IRAG1: variants seen among roughly 807,000 people sequenced by gnomAD.
The protein encoded by IRAG1 is IP3R-associated cGMP kinase substrate.
In IRAG1, 62 loss-of-function variants were observed where a neutral mutation model predicts 106.2. The ratio of observed to expected loss-of-function variants is 0.58; its 90% CI spans 0.48 to 0.72. The LOEUF (loss-of-function observed/expected upper bound fraction) is 0.72. Ranked by LOEUF, IRAG1 falls within the 30% of genes least tolerant of loss-of-function variation. The pLI, the probability that IRAG1 is intolerant of heterozygous loss-of-function variation, is 0.00. For synonymous variants in IRAG1, 462 were observed against 443.9 expected, an observed-to-expected ratio of 1.04 and a Z score of -0.51; for missense variants, 1,064 against 1,140.7, an observed-to-expected ratio of 0.93 and a Z score of 0.97.
At chr11:10,580,245 A>T (rs1284313999) in intron 20 of IRAG1, among the ~76,000 whole-genome samples, 1 of 151,670 alleles carries the variant, frequency 6.6e-6, no homozygotes, top group East Asian at 1.9e-4. Context: ...AGCTCTTGCA[A>T]ACTTCTCATT....
chr11:10,623,148 T>C (rs1591626639), intron 10 of IRAG1, among the ~76,000 whole-genome samples: 1 of 152,262 alleles, frequency 6.6e-6, no homozygotes, highest in East Asian at 1.9e-4. Context: ...GACATACTCA[T>C]GCAGGAGAAT....
chr11:10,663,778 C>A (rs556322952), intron 1 of IRAG1, among the ~76,000 whole-genome samples: 1 of 152,212 alleles, frequency 6.6e-6, no homozygotes. Context: ...TCAAGCCTCA[C>A]TTTTCACATG....
In IRAG1 at chr11:10,663,790, C is replaced by G. The variant is rs722273; in HGVS notation, c.68-11608G>C. On this transcript the variant is annotated intron_variant, in intron 1 of 20. Coordinates refer to ENST00000423302, the MANE Select transcript of IRAG1 (RefSeq NM_130385.4). Reference sequence around the variant, plus strand: ...GAATCAAGCCTCACTTTTCACATGGCCTACTACACACCCAGCACAATGTAG... The same window carrying G: ...GAATCAAGCCTCACTTTTCACATGGGCTACTACACACCCAGCACAATGTAG... Among the ~76,000 whole-genome samples the G allele has an allele frequency of 8.0e-4, 122 of 152,330 alleles. 1 individual carries two copies. The highest frequency in any genetic ancestry group is 2.7e-3 in the African/African-American group (114 of 41,574).
chr11:10,581,771 T>C, intron 19 of IRAG1, 96 bp downstream of exon 19: 1 of 1,463,714 alleles, frequency 6.8e-7, no homozygotes, highest in Non-Finnish European at 9.1e-7. Flanking sequence ...GGCCACTGGT[T>C]ACTTCCCTAA....
chr11:10,681,328 C>T (rs1339895147), intron 1 of IRAG1, among the ~76,000 whole-genome samples: 1 of 152,120 alleles, frequency 6.6e-6, no homozygotes, highest in Non-Finnish European at 1.5e-5. Context: ...GAGTCAAGTG[C>T]CTTGTTAATA....
rs764883368 is a variant in IRAG1, at chr11:10,581,885, T to C, written c.2342A>G (p.Glu781Gly). The change falls in exon 19 of 21, where the codon GAA (glutamate) becomes GGA (glycine). Residue 781 changes from glutamate to glycine, a missense_variant. Transcript: ENST00000423302. ...GACTCACCCCTTGCTGTAGGCTTCT[T>C]CCTCCATCCTGGCCTTGGTCTCCTG... The part of the protein sequence containing the change: ...LSQETKARME[E>G]EAYSKGFQEG... 1 of 1,613,778 alleles carries C rather than the reference T, an allele frequency of 6.2e-7. No homozygotes were observed. The highest frequency in any genetic ancestry group is 8.5e-7 in the Non-Finnish European group (1 of 1,179,744).
chr11:10,614,925 C>A (rs370099413), intron 10 of IRAG1, among the ~76,000 whole-genome samples: 195 of 152,222 alleles, frequency 1.3e-3, no homozygotes, highest in South Asian at 4.6e-3. Context: ...GCAACAAAAG[C>A]CAAAATTGAC....
At position 10,659,716 on chromosome 11, in the gene IRAG1, A is replaced by T. The variant is rs1859244685; in HGVS notation, c.68-7534T>A. On this transcript the variant is annotated intron_variant, in intron 1 of 20. Transcript: ENST00000423302. This position sits in a 1 kb window ranked among gnomAD's most constrained non-coding sequence, Gnocchi z 4.1. ...TGTTCACTTCAGGAATTCTTTTTTTAAAAATAGGTCCACTTGAAAAAATTT... is the reference window on the plus strand; with the variant it reads ...TGTTCACTTCAGGAATTCTTTTTTTTAAAATAGGTCCACTTGAAAAAATTT... Among the ~76,000 whole-genome samples the T allele has an allele frequency of 6.6e-6, 1 of 152,028 alleles. No individual in the cohort carries two copies. The highest frequency in any genetic ancestry group is 6.5e-5 in the Admixed American group (1 of 15,276).
chr11:10,595,377 C>T (rs1003960301), intron 15 of IRAG1, among the ~76,000 whole-genome samples: 1 of 152,070 alleles, frequency 6.6e-6, no homozygotes, highest in Non-Finnish European at 1.5e-5. Flanking sequence ...TTCTACCCCT[C>T]CTCCCACCTG....
chr11:10,621,345 C>A lies in IRAG1; in HGVS notation c.1447+2433G>T, dbSNP rs540671776. Among the ~76,000 whole-genome samples the A allele has an allele frequency of 2.2e-3, 334 of 152,302 alleles. 2 individuals carry two copies. The highest frequency in any genetic ancestry group is 7.6e-3 in the African/African-American group (315 of 41,572). ...ACCATTGTTAGTGACATCCTGGACA[C>A]ATTCACCCAAGAATCCATAGGGCTC... On this transcript the variant is annotated intron_variant, in intron 10 of 20. Transcript: ENST00000423302.
intron 2 of IRAG1, among the ~76,000 whole-genome samples, chr11:10,643,176 CAAA>C (rs10679269): frequency 5.0e-5 from 3 of 60,246 alleles, no homozygotes; most frequent in African/African-American, 2.2e-4. Flanking sequence ...GACTCCGTCT[CAAA>C]AAAAAAAAAA....
In IRAG1 at chr11:10,628,111, T is replaced by G; in HGVS notation, c.653-86A>C. On this transcript the variant is annotated intron_variant, in intron 6 of 20. Transcript: ENST00000423302. This position sits in a 1 kb window ranked among gnomAD's most constrained non-coding sequence, Gnocchi z 4.1. ...CAGCCACATCTCCCTCCCCGGGCTA[T>G]CCTCCCTTTGCAATCTCAGGCCTGG... 6.9e-7 allele frequency: 1 copy of G among 1,443,868 alleles called. No homozygotes were observed. Among genetic ancestry groups the G allele is most frequent in the Non-Finnish European group, 9.6e-7 (1 of 1,039,576 alleles). The allele number at this position is 1,443,868 out of a possible 1,614,324, so 89.4% of individuals were successfully genotyped here.
chr11:10,677,419 C>G (rs181249910), intron 1 of IRAG1, among the ~76,000 whole-genome samples: 1 of 152,228 alleles, frequency 6.6e-6, no homozygotes, highest in East Asian at 1.9e-4. Context: ...TTACTCCTTT[C>G]AGGATCCCCT....
chr11:10,648,710 G>A (rs913623502), intron 2 of IRAG1, among the ~76,000 whole-genome samples: 87 of 152,292 alleles, frequency 5.7e-4, no homozygotes, highest in African/African-American at 2.0e-3. Flanking sequence ...CTTACAAAGT[G>A]CATTGTTGGG....
chr11:10,622,801 TCATA>T (rs1855930351), intron 10 of IRAG1, among the ~76,000 whole-genome samples: 1 of 151,686 alleles, frequency 6.6e-6, no homozygotes, highest in African/African-American at 2.4e-5. Context: ...CTGCCACATC[TCATA>T]CAATTTCATT....
intron 15 of IRAG1, among the ~76,000 whole-genome samples, chr11:10,596,879 T>C (rs139627749): frequency 2.1e-3 from 325 of 152,294 alleles, no homozygotes; most frequent in Middle Eastern, 0.01. Flanking sequence ...ACAAGGAAGA[T>C]GTGATTTGCT....
At chr11:10,675,711 C>T (rs1860599706) in intron 1 of IRAG1, among the ~76,000 whole-genome samples, 2 of 152,174 alleles carry the variant, frequency 1.3e-5, no homozygotes, top group South Asian at 2.1e-4. Flanking sequence ...CTGTACTCTA[C>T]GCAGGAAACA....
At chr11:10,684,177 A>G (rs1365727097) in intron 1 of IRAG1, among the ~76,000 whole-genome samples, 2 of 152,142 alleles carry the variant, frequency 1.3e-5, no homozygotes, top group African/African-American at 4.8e-5. Context: ...TTGCGGCACT[A>G]TTCACAATAG....
chr11:10,619,232 A>C (rs993942781), intron 10 of IRAG1, among the ~76,000 whole-genome samples: 1 of 152,258 alleles, frequency 6.6e-6, no homozygotes, highest in Non-Finnish European at 1.5e-5. Context: ...GATGCAGCAC[A>C]GAAATGAGCC....
Sources: allele counts gnomAD v4.1 joint callset (sites outside exome capture counted in the v4.1 genomes callset), GRCh38; gene constraint gnomAD v4.1.1; non-coding constraint Gnocchi (gnomAD v3.1); transcripts MANE v1.5; gene names NCBI Gene and HGNC (gene_info 2026-07-23, HGNC 2026-07-21).